The following ZDHHC1 variants were observed in gnomAD, a reference collection of about 807,000 sequenced individuals.
ZDHHC1 encodes the protein palmitoyltransferase ZDHHC1.
A neutral mutation model predicts 46.9 loss-of-function variants in ZDHHC1; 45 were observed. The observed-to-expected ratio is 0.96, with a 90% CI of 0.76 to 1.23. The LOEUF is 1.23. ZDHHC1 is among the 50% of genes most tolerant of loss of function. The pLI is 0.00. For missense variants in ZDHHC1, 649 were observed against 670.8 expected (o/e 0.97, Z 0.36); for synonymous variants, 291 against 286.0 (o/e 1.02, Z -0.18).
chr16:67,399,423 G>A lies in ZDHHC1; in HGVS notation c.462C>T (p.Asn154=). Residue 154 remains asparagine, a synonymous_variant, in exon 5 of 12, where the codon AAC becomes AAT. Transcript: ENST00000565726. ...GGTGGTCGAAACCGCACACGCACTT[G>A]TTGCAGGCGCTGCAGTGCTTGGAGC... ...SARSKHCSAC[N]KCVCGFDHHC... 1 of 1,613,322 alleles carries A rather than the reference G, an allele frequency of 6.2e-7. No individual in the cohort carries two copies.
In ZDHHC1 at chr16:67,401,497, G is replaced by A. The variant is rs2040552916; in HGVS notation, c.253-365C>T. Among the ~76,000 whole-genome samples the A allele has an allele frequency of 6.6e-6, 1 of 152,222 alleles. No homozygotes were observed. The highest frequency in any genetic ancestry group is 2.4e-5 in the African/African-American group (1 of 41,458). The stretch of plus-strand genomic sequence containing the variant: ...TTTCAGATTCCAAATGGTGATGTGA[G>A]ACTGAAAGAGATCAACCCCACCTAA... On this transcript the variant is annotated intron_variant, in intron 3 of 11. Coordinates refer to ENST00000565726, the MANE Select transcript of ZDHHC1 (RefSeq NM_001323627.2). This position sits in a 1 kb window ranked among gnomAD's most constrained non-coding sequence, Gnocchi z 4.6.
At chr16:67,414,373 A>G (rs1434690113) in intron 1 of ZDHHC1, among the ~76,000 whole-genome samples, 1 of 152,254 alleles carries the variant, frequency 6.6e-6, no homozygotes, top group Non-Finnish European at 1.5e-5. Context: ...GTGAACCACC[A>G]GTTCCACAAA....
At chr16:67,413,768 G>A (rs1054961172) in intron 1 of ZDHHC1, among the ~76,000 whole-genome samples, 7 of 147,318 alleles carry the variant, frequency 4.8e-5, no homozygotes, top group Non-Finnish European at 1.0e-4. Flanking sequence ...GGTGAAACCC[G>A]TCTCTACTAA....
At position 67,406,587 on chromosome 16, in the gene ZDHHC1, G is replaced by A. The variant is rs900808226; in HGVS notation, c.10-145C>T. 9.3e-7 allele frequency: 1 copy of A among 1,079,690 alleles called. No homozygotes were observed. Among genetic ancestry groups the A allele is most frequent in the Non-Finnish European group, 1.3e-6 (1 of 784,078 alleles). The allele number at this position is 1,079,690 out of a possible 1,614,324, so 66.9% of individuals were successfully genotyped here. On this transcript the variant is annotated intron_variant, in intron 2 of 11. Coordinates refer to ENST00000565726, the MANE Select transcript of ZDHHC1 (RefSeq NM_001323627.2). This position sits in a 1 kb window ranked among gnomAD's most constrained non-coding sequence, Gnocchi z 4.1. The stretch of plus-strand genomic sequence containing the variant: ...GGGAAACTGGGGTCCTAGCACAATA[G>A]AGATGGGCAGTGGGGAGAGGGTGGG...
At chr16:67,415,548 G>A (rs1336203721) in intron 1 of ZDHHC1, among the ~76,000 whole-genome samples, 1 of 152,166 alleles carries the variant, frequency 6.6e-6, no homozygotes, top group Non-Finnish European at 1.5e-5. Flanking sequence ...CCTGAGGTCA[G>A]GAGTTCGAGA....
At position 67,395,521 on chromosome 16, in the gene ZDHHC1, G is replaced by GC. The variant is rs2040413362; in HGVS notation, c.972dup (p.Pro325AlafsTer53). ...GCTGCTGGCCCGGCCTGGCCAGGGG[G>GC]CTCTGGGCGCATATGTCTGAAGGTC... On this transcript the variant is annotated frameshift_variant, in exon 9 of 12. Coordinates refer to ENST00000565726, the MANE Select transcript of ZDHHC1 (RefSeq NM_001323627.2). LOFTEE classifies it high-confidence loss of function. The GC allele has an allele frequency of 6.4e-7, 1 of 1,555,204 alleles. No individual in the cohort carries two copies. The highest frequency in any genetic ancestry group is 1.9e-5 in the Admixed American group (1 of 51,292).
intron 4 of ZDHHC1, among the ~76,000 whole-genome samples, chr16:67,399,951 A>G (rs2142234160): frequency 6.6e-6 from 1 of 152,324 alleles, no homozygotes; most frequent in South Asian, 2.1e-4. Context: ...GGACTAAGAG[A>G]AAAGAGGCAA....
In ZDHHC1 at chr16:67,395,005, A is replaced by ACCGCTCACCGAGAGG. The variant is rs1267104232; in HGVS notation, c.1161_1162insCCTCTCGGTGAGCGG (p.Ala387_Ser388insProLeuGlyGluArg). The ACCGCTCACCGAGAGG allele has an allele frequency of 1.2e-6, 2 of 1,610,008 alleles. No homozygotes were observed. Among genetic ancestry groups the ACCGCTCACCGAGAGG allele is most frequent in the Non-Finnish European group, 1.7e-6 (2 of 1,178,406 alleles). On this transcript the variant is annotated inframe_insertion, in exon 11 of 12. Coordinates refer to ENST00000565726, the MANE Select transcript of ZDHHC1 (RefSeq NM_001323627.2). ...CCGGACAGGGAGAGGCGCTCACCCG[A>ACCGCTCACCGAGAGG]CGCCGGATCCGAGGTCTCAGACGTT...
Position 67,398,964 on chromosome 16 carries a change from G to A in ZDHHC1, c.531-20C>T, listed in dbSNP as rs370323251. 297 of 1,609,420 alleles carry A rather than the reference G, an allele frequency of 1.8e-4. No homozygotes were observed. Among genetic ancestry groups the A allele is most frequent in the Non-Finnish European group, 2.2e-4 (265 of 1,178,108 alleles). On this transcript the variant is annotated intron_variant, in intron 5 of 11. Transcript: ENST00000565726. ...AAGAGCCTGGGCCCAGCCATGGGTC[G>A]CTGTCAGCTCCCCGGAGCTCCAGCC... is the stretch of plus-strand genomic sequence containing the variant.
chr16:67,415,049 C>T (rs1248518588), intron 1 of ZDHHC1, among the ~76,000 whole-genome samples: 1 of 152,138 alleles, frequency 6.6e-6, no homozygotes, highest in African/African-American at 2.4e-5. Flanking sequence ...GCAGGAGAAT[C>T]GCTTGAACCC....
In ZDHHC1 at chr16:67,398,252, C is replaced by A. The variant is rs773355638; in HGVS notation, c.887G>T (p.Arg296Met). The change falls in exon 8 of 12, where the codon AGG becomes ATG. Residue 296 changes from arginine to methionine, a missense_variant. Transcript: ENST00000565726. ...CTTGGGAGGACATGACTCGAGCTCC[C>A]TGTGAACCCCCTTGGCCTCCTGTGG... ...RPPQEAKGVH[R>M]ELESCPPKMR... 6.2e-7 allele frequency: 1 copy of A among 1,614,172 alleles called. No homozygotes were observed. The highest frequency in any genetic ancestry group is 1.7e-5 in the Admixed American group (1 of 60,020).
chr16:67,413,745 G>A (rs1003484881), intron 1 of ZDHHC1, among the ~76,000 whole-genome samples: 1 of 145,572 alleles, frequency 6.9e-6, no homozygotes, highest in Non-Finnish European at 1.5e-5. Flanking sequence ...TTCGAGACCA[G>A]CCTGGCCAAC....
At chr16:67,399,772 AC>A (rs1393486647) in intron 4 of ZDHHC1, among the ~76,000 whole-genome samples, 2 of 151,948 alleles carry the variant, frequency 1.3e-5, no homozygotes, top group Non-Finnish European at 2.9e-5. Context: ...CCAAGCAAAG[AC>A]CCCGAGAGAA....
Position 67,400,987 on chromosome 16 carries a change from T to A in ZDHHC1, c.398A>T (p.Asp133Val). 1 of 1,614,036 alleles carries A rather than the reference T, an allele frequency of 6.2e-7. No homozygotes were observed. Among genetic ancestry groups the A allele is most frequent in the Non-Finnish European group, 8.5e-7 (1 of 1,180,010 alleles). ...NRSQHAHVIE[D>V]LHCNLCNVDV... is the part of the protein sequence containing the mutation. ...CACGTTGCACAAGTTGCAGTGCAGG[T>A]CTTCAATGACATGTGCGTGCTGGCT... is the stretch of plus-strand genomic sequence containing the variant. The change falls in exon 4 of 12, where the codon GAC becomes GTC. Residue 133 changes from aspartate to valine, a missense_variant. By Grantham distance (152) the Asp-to-Val change is radical. Coordinates refer to ENST00000565726, the MANE Select transcript of ZDHHC1 (RefSeq NM_001323627.2).
At position 67,394,873 on chromosome 16, in the gene ZDHHC1, G is replaced by C. The variant is rs1339202620; in HGVS notation, c.1186C>G (p.Arg396Gly). ...PASGPRAPSR[R>G]SSSSTDSADA... ...GCGGAATCCGTCGACGAGCTGGAGC[G>C]GCGGCTGGGGGCCCTAGGCCCTGCG... The change falls in exon 12 of 12, where the codon CGC becomes GGC. Residue 396 changes from arginine to glycine, a missense_variant. Coordinates refer to ENST00000565726, the MANE Select transcript of ZDHHC1 (RefSeq NM_001323627.2). 5 of 1,560,950 alleles carry C rather than the reference G, an allele frequency of 3.2e-6. No homozygotes were observed. In the African/African-American group the frequency reaches 6.8e-5, roughly 21 times the overall value.
In ZDHHC1 at chr16:67,394,825, C is replaced by CG. The variant is rs1243156807; in HGVS notation, c.1233dup (p.Ala412ArgfsTer87). The stretch of plus-strand genomic sequence containing the variant: ...GAGTGGTAGGCGCCGGCAGGGCCAG[C>CG]GGCGTGCACAGGGCTGGCGTCCGCG... On this transcript the variant is annotated frameshift_variant, in exon 12 of 12. Transcript: ENST00000565726. LOFTEE classifies it low-confidence loss of function (END_TRUNC). 1.3e-6 allele frequency: 2 copies of CG among 1,542,400 alleles called. No homozygotes were observed. The highest frequency in any genetic ancestry group is 2.4e-5 in the South Asian group (2 of 83,614).
Position 67,401,096 on chromosome 16 carries a change from G to A in ZDHHC1, c.289C>T (p.His97Tyr). ...GAIFAGHLVV[H>Y]LTAVSIDPAD... ...GGATCGATGGAGACGGCGGTCAGGTGCACCACAAGGTGGCCAGCAAAGATG... is the reference window on the plus strand; with the variant it reads ...GGATCGATGGAGACGGCGGTCAGGTACACCACAAGGTGGCCAGCAAAGATG... The change falls in exon 4 of 12, where the codon CAC becomes TAC. Residue 97 changes from histidine to tyrosine, a missense_variant. Physicochemically the swap from His to Tyr is moderately conservative, Grantham distance 83. Coordinates refer to ENST00000565726, the MANE Select transcript of ZDHHC1 (RefSeq NM_001323627.2). The surrounding 1 kb of genome is among the most constrained non-coding windows in gnomAD (Gnocchi z 4.6). 6.2e-7 allele frequency: 1 copy of A among 1,614,076 alleles called. No homozygotes were observed. The highest frequency in any genetic ancestry group is 8.5e-7 in the Non-Finnish European group (1 of 1,180,024).
intron 2 of ZDHHC1, among the ~76,000 whole-genome samples, chr16:67,407,461 C>T (rs879782039): frequency 6.6e-6 from 1 of 152,234 alleles, no homozygotes; most frequent in East Asian, 1.9e-4. Context: ...AGAAAGGGTG[C>T]CGCAGACCCC....
rs1037661208 is a variant in ZDHHC1 at position 67,401,871 on chromosome 16, A to C, written c.253-739T>G. 3.9e-5 allele frequency among the ~76,000 whole-genome samples: 6 copies of C among 152,112 alleles called. No individual in the cohort carries two copies. Among genetic ancestry groups the C allele is most frequent in the African/African-American group, 1.4e-4 (6 of 41,426 alleles). ...TACAAAGTCTGATGTTTAAAAATTC[A>C]CCCATAGATTCCACCCAGGCAGCCA... On this transcript the variant is annotated intron_variant, in intron 3 of 11. Coordinates refer to ENST00000565726, the MANE Select transcript of ZDHHC1 (RefSeq NM_001323627.2). The surrounding 1 kb of genome is among the most constrained non-coding windows in gnomAD (Gnocchi z 4.6).
Sources: allele counts gnomAD v4.1 joint callset (sites outside exome capture counted in the v4.1 genomes callset), GRCh38; gene constraint gnomAD v4.1.1; non-coding constraint Gnocchi (gnomAD v3.1); transcripts MANE v1.5; gene names NCBI Gene and HGNC (gene_info 2026-07-23, HGNC 2026-07-21).